AKNA: variants seen among roughly 807,000 people sequenced by gnomAD.
The protein encoded by AKNA is AT-hook transcription factor.
In AKNA, 67 loss-of-function variants were observed where a neutral mutation model predicts 138.8. That is an observed-to-expected ratio of 0.48 (90% CI 0.40 to 0.59). AKNA has a LOEUF of 0.59. AKNA is among the 20% of genes least tolerant of loss of function. The pLI, the probability that AKNA is intolerant of heterozygous loss-of-function variation, is 0.00. For missense variants in AKNA, 1,813 were observed against 1,880.4 expected (o/e 0.96, Z 0.66); for synonymous variants, 737 against 754.4 (o/e 0.98, Z 0.38).
chr9:114,333,248 A>C (rs1829891507), downstream of AKNA: 5 of 1,043,454 alleles, frequency 4.8e-6, no homozygotes, highest in Non-Finnish European at 7.0e-6. Context: ...CTGTGTTTGG[A>C]ACAGCTAAGC....
rs538060845 is a variant in AKNA, at chr9:114,383,055, C to T, written c.-113-1609G>A. The T allele has an allele frequency of 8.6e-5, 38 of 441,618 alleles. 1 individual carries two copies. The highest frequency in any genetic ancestry group is 5.9e-4 in the South Asian group (37 of 63,038). The allele number at this position is 441,618 out of a possible 1,614,324, so 27.4% of individuals were successfully genotyped here. ...GGCGAGCTGGGGGCGGGGAGCAAGC[C>T]TACCAGGGGCTTTCCTGGACCTGGG... On this transcript the variant is annotated intron_variant, in intron 1 of 21. Coordinates refer to ENST00000374088, the MANE Select transcript of AKNA (RefSeq NM_001317950.2).
chr9:114,369,768 TATTACCATCACCATCATTCACCATC>T (rs879581210), intron 4 of AKNA, among the ~76,000 whole-genome samples: 16 of 151,772 alleles, frequency 1.1e-4, no homozygotes, highest in Non-Finnish European at 2.1e-4. Context: ...TAACAATCAC[TATTACCATCACCATCATTCACCATC>T]ATTACCATCA....
In AKNA at chr9:114,381,235, C is replaced by T; in HGVS notation, c.99G>A (p.Val33=). 1 of 1,614,196 alleles carries T rather than the reference C, an allele frequency of 6.2e-7. No homozygotes were observed. The highest frequency in any genetic ancestry group is 1.1e-5 in the South Asian group (1 of 91,088). Reference sequence around the variant, plus strand: ...CCCAGCTTTGTGAACTACTTCTATCCACATCCCTCTTGTCCTCGGCCCAGG... The same window carrying T: ...CCCAGCTTTGTGAACTACTTCTATCTACATCCCTCTTGTCCTCGGCCCAGG... ...RWAWAEDKRD[V]DRSSSQSWEE... The change falls in exon 2 of 22, where the codon GTG becomes GTA. Residue 33 remains valine (V), a synonymous_variant. Coordinates refer to ENST00000374088, the MANE Select transcript of AKNA (RefSeq NM_001317950.2).
At chr9:114,372,090 G>C (rs778025169) in intron 4 of AKNA, among the ~76,000 whole-genome samples, 1 of 152,330 alleles carries the variant, frequency 6.6e-6, no homozygotes, top group African/African-American at 2.4e-5. Context: ...GCTGTGAGAT[G>C]GGGTTGGGCA....
upstream of AKNA, among the ~76,000 whole-genome samples, chr9:114,397,594 C>T (rs1007726069): frequency 2.0e-5 from 3 of 152,172 alleles, no homozygotes; most frequent in Non-Finnish European, 4.4e-5. Context: ...TCAACAAAAG[C>T]CCGGGAAAGG....
At chr9:114,369,407 C>T (rs1185103921) in intron 4 of AKNA, among the ~76,000 whole-genome samples, 1 of 152,228 alleles carries the variant, frequency 6.6e-6, no homozygotes, top group African/African-American at 2.4e-5. Flanking sequence ...GTAGTTGTGA[C>T]AGAGACTATA....
intron 4 of AKNA, among the ~76,000 whole-genome samples, chr9:114,368,825 T>C (rs1397093858): frequency 6.6e-6 from 1 of 152,156 alleles, no homozygotes; most frequent in East Asian, 1.9e-4. Context: ...CAGCCCATTA[T>C]ATAGAAGAAA....
intron 6 of AKNA, among the ~76,000 whole-genome samples, chr9:114,365,713 G>A (rs929345143): frequency 8.5e-5 from 13 of 152,078 alleles, no homozygotes; most frequent in Admixed American, 7.2e-4. Flanking sequence ...ATTTCAACAT[G>A]TAATCAATAC....
chr9:114,372,070 C>G (rs927960725), intron 4 of AKNA, among the ~76,000 whole-genome samples: 2 of 152,174 alleles, frequency 1.3e-5, no homozygotes, highest in Non-Finnish European at 1.5e-5. Flanking sequence ...TGTACTGTTC[C>G]TTCAGGGCAG....
chr9:114,349,046 C>T (rs772624364), intron 15 of AKNA: 68 of 441,472 alleles, frequency 1.5e-4, no homozygotes, highest in Non-Finnish European at 2.6e-4. Flanking sequence ...TGGTAATCCC[C>T]AGGGAGACGC....
intron 14 of AKNA, 130 bp from the exon 15 acceptor site, chr9:114,351,151 G>C: frequency 2.1e-6 from 2 of 960,096 alleles, no homozygotes; most frequent in South Asian, 3.2e-5. Context: ...GGAAGTTCCT[G>C]ATGAGGCCAA....
In AKNA at chr9:114,358,112, C is replaced by G; in HGVS notation, c.2548G>C (p.Ala850Pro). Residue 850 changes from alanine (A) to proline (P), a missense_variant, in exon 12 of 22, where the codon GCT becomes CCT. Transcript: ENST00000374088. ...MKPPGFQASL[A>P]RDGHMSGLGK... Reference sequence around the variant, plus strand: ...AGGCCTGACATGTGCCCGTCTCTAGCCAGGGATGCCTGGAAACCTGGTGGC... The same window carrying G: ...AGGCCTGACATGTGCCCGTCTCTAGGCAGGGATGCCTGGAAACCTGGTGGC... 3 of 1,614,208 alleles carry G rather than the reference C, an allele frequency of 1.9e-6. No homozygotes were observed. The highest frequency in any genetic ancestry group is 2.2e-5 in the South Asian group (2 of 91,084).
intron 1 of AKNA, among the ~76,000 whole-genome samples, chr9:114,386,434 G>A (rs976042697): frequency 5.9e-5 from 9 of 152,192 alleles, no homozygotes; most frequent in African/African-American, 1.9e-4. Flanking sequence ...GACCTTGAAG[G>A]AGAGCTATGG....
At chr9:114,368,656 G>A (rs764161409) in intron 4 of AKNA, 61 bp from the exon 5 acceptor site, 16 of 1,272,440 alleles carry the variant, frequency 1.3e-5, no homozygotes, top group Middle Eastern at 2.0e-4. Context: ...CACCTGAAAC[G>A]CCTCATCTTC....
At chr9:114,342,760 A>AC (rs1409309678) in intron 19 of AKNA, among the ~76,000 whole-genome samples, 1 of 86,672 alleles carries the variant, frequency 1.2e-5, no homozygotes, top group Non-Finnish European at 2.4e-5. Context: ...AGAGTCAGGC[A>AC]CCCCCCAGCC....
At chr9:114,367,512 C>G in intron 6 of AKNA, 31 bp downstream of exon 6, 1 of 1,608,710 alleles carries the variant, frequency 6.2e-7, no homozygotes, top group Non-Finnish European at 8.5e-7. Flanking sequence ...TGAGTTAAGT[C>G]TCTCGGGGGC....
intron 3 of AKNA, among the ~76,000 whole-genome samples, chr9:114,375,323 G>A (rs188386821): frequency 2.6e-5 from 4 of 152,310 alleles, no homozygotes; most frequent in African/African-American, 9.6e-5. Context: ...TAAGAAGGAG[G>A]ACGGACTAAG....
chr9:114,372,486 A>C (rs1832844744), intron 4 of AKNA, among the ~76,000 whole-genome samples: 1 of 152,114 alleles, frequency 6.6e-6, no homozygotes, highest in South Asian at 2.1e-4. Flanking sequence ...AACTCTTACA[A>C]AGTGCCTGCC....
At chr9:114,332,281 C>T (rs1766092), downstream of AKNA, among the ~76,000 whole-genome samples, 14,020 of 150,896 alleles carry the variant, frequency 0.093, 1,065 homozygotes, top group African/African-American at 0.31. Flanking sequence ...CTCCACTCCC[C>T]GCTCATTTTT....
Sources: gnomAD v4.1 joint callset for allele counts (sites outside exome capture counted in the v4.1 genomes callset) on GRCh38, gnomAD v4.1.1 for gene constraint, MANE v1.5 for transcripts, NCBI Gene and HGNC (gene_info 2026-07-23, HGNC 2026-07-21) for gene names.